The following KANK2 variants were observed in gnomAD, a reference collection of about 807,000 sequenced individuals.
KANK2 encodes KN motif and ankyrin repeat domains 2.
KANK2 carries 41 observed loss-of-function variants against 74.6 expected under a neutral mutation model. That is an observed-to-expected ratio of 0.55 (90% CI 0.43 to 0.71). The LOEUF is 0.71. Ranked by LOEUF, KANK2 falls within the 30% of genes least tolerant of loss-of-function variation. KANK2 has a pLI of 0.00. For synonymous variants in KANK2, 537 were observed against 519.0 expected (o/e 1.03, Z -0.47); for missense variants, 1,148 against 1,196.4 (o/e 0.96, Z 0.60).
At chr19:11,178,745 T>C (rs751703838) in intron 4 of KANK2, 25 bp from the exon 5 acceptor site, 2 of 1,496,114 alleles carry the variant, frequency 1.3e-6, no homozygotes, top group Middle Eastern at 1.8e-4. Flanking sequence ...AATGAGTGTC[T>C]GCTCTTGGTC....
At chr19:11,179,556 T>C (rs1391828921) in intron 4 of KANK2, among the ~76,000 whole-genome samples, 1 of 150,340 alleles carries the variant, frequency 6.7e-6, no homozygotes, top group African/African-American at 2.5e-5. Context: ...GAGAATTGCT[T>C]GAACCCGGGA....
chr19:11,176,364 C>T (rs2078336053), intron 7 of KANK2, among the ~76,000 whole-genome samples: 1 of 152,202 alleles, frequency 6.6e-6, no homozygotes. Context: ...CCCCTAAATC[C>T]TAACCCCGGC....
Position 11,167,360 on chromosome 19 carries a change from C to T in KANK2, c.2503-749G>A, listed in dbSNP as rs184500546. Among the ~76,000 whole-genome samples the T allele has an allele frequency of 3.0e-3, 450 of 151,040 alleles. 2 individuals are homozygous for T. The highest frequency in any genetic ancestry group is 4.1e-3 in the Non-Finnish European group (280 of 67,716). ...GATTACAGGCGTGAGCCACCGTGCC[C>T]GGCCTAGATTTTTTTTTGCTTAAAG... is the stretch of plus-strand genomic sequence containing the variant. On this transcript the variant is annotated intron_variant, in intron 12 of 12. Coordinates refer to ENST00000586659, the MANE Select transcript of KANK2 (RefSeq NM_001136191.3).
At chr19:11,183,669 TGAGA>T (rs1357133127) in intron 4 of KANK2, among the ~76,000 whole-genome samples, 2 of 150,342 alleles carry the variant, frequency 1.3e-5, no homozygotes, top group Admixed American at 1.3e-4. Context: ...TTTTTTTTTT[TGAGA>T]GAGTCTCGCA....
intron 2 of KANK2, chr19:11,195,253 G>A (rs1403237168): frequency 2.0e-5 from 3 of 152,146 alleles, no homozygotes; most frequent in Non-Finnish European, 2.9e-5. Context: ...GGATGCGTCC[G>A]GGCCCAGGGG....
intron 4 of KANK2, among the ~76,000 whole-genome samples, chr19:11,191,096 AGTGGT>A (rs1010133986): frequency 7.9e-5 from 12 of 151,832 alleles, no homozygotes; most frequent in African/African-American, 2.9e-4. Flanking sequence ...GCTGGAGGGC[AGTGGT>A]GTGATCTTGG....
rs765252532 is a variant in KANK2 at position 11,193,320 on chromosome 19, C to T, written c.760G>A (p.Asp254Asn). The T allele has an allele frequency of 5.6e-6, 9 of 1,612,554 alleles. No homozygotes were observed. Among genetic ancestry groups the T allele is most frequent in the Middle Eastern group, 1.6e-4 (1 of 6,084 alleles). The change falls in exon 4 of 13, where the codon GAT (aspartate) becomes AAT (asparagine). Residue 254 changes from aspartate to asparagine, a missense_variant. Transcript: ENST00000586659. The surrounding 1 kb of genome is among the most constrained non-coding windows in gnomAD (Gnocchi z 9.6). Reference protein sequence around the residue: ...GRSELCLDLPDPPEDPVALET... With the variant: ...GRSELCLDLPNPPEDPVALET... ...AGTGCCACTGGGTCCTCTGGGGGAT[C>T]GGGGAGGTCCAGGCAGAGCTCGCTG...
At chr19:11,175,129 TA>T in intron 8 of KANK2, among the ~76,000 whole-genome samples, 1 of 151,836 alleles carries the variant, frequency 6.6e-6, no homozygotes, top group Non-Finnish European at 1.5e-5. Context: ...AGCTAATTTT[TA>T]AAACAATTTG....
Position 11,195,658 on chromosome 19 carries a change from T to C in KANK2, c.-116A>G, listed in dbSNP as rs2078996304. The C allele has an allele frequency of 6.6e-6, 1 of 151,830 alleles. No individual in the cohort carries two copies. Among genetic ancestry groups the C allele is most frequent in the African/African-American group, 2.4e-5 (1 of 41,056 alleles). 9.4% of individuals were successfully genotyped at this position (151,830 alleles called of 1,614,324 possible). On this transcript the variant is annotated 5_prime_UTR_variant, in exon 2 of 13. Transcript: ENST00000586659. ...CTTGTTCTCCCGTCCTGTCTTGCTTTGTCTCTCTCCAAGTCTCTCTGTGTC... is the reference window on the plus strand; with the variant it reads ...CTTGTTCTCCCGTCCTGTCTTGCTTCGTCTCTCTCCAAGTCTCTCTGTGTC...
rs368337937 is a variant in KANK2, at chr19:11,192,989, A to C, written c.1091T>G (p.Leu364Arg). Residue 364 changes from leucine (L) to arginine (R), a missense_variant, in exon 4 of 13, where the codon CTG becomes CGG. By Grantham distance (102) the Leu-to-Arg change is moderately radical. Transcript: ENST00000586659. ...AQSLEPYGTG[L>R]RALAMPGRPE... ...CCTACCAGGCATTGCCAGGGCCCTCAGCCCTGTGCCGTAAGGCTCCAGGCT... is the reference window on the plus strand; with the variant it reads ...CCTACCAGGCATTGCCAGGGCCCTCCGCCCTGTGCCGTAAGGCTCCAGGCT... 2 of 1,613,874 alleles carry C rather than the reference A, an allele frequency of 1.2e-6. No homozygotes were observed. Among genetic ancestry groups the C allele is most frequent in the African/African-American group, 2.7e-5 (2 of 74,946 alleles).
At chr19:11,183,155 G>C (rs2078577875) in intron 4 of KANK2, among the ~76,000 whole-genome samples, 1 of 152,216 alleles carries the variant, frequency 6.6e-6, no homozygotes, top group Admixed American at 6.6e-5. Flanking sequence ...TGGTCTGTGA[G>C]AGAGTAAAAC....
Position 11,175,980 on chromosome 19 carries a change from T to A in KANK2, c.1770A>T (p.Leu590=). The A allele has an allele frequency of 6.2e-7, 1 of 1,613,258 alleles. No individual in the cohort carries two copies. The highest frequency in any genetic ancestry group is 1.3e-5 in the African/African-American group (1 of 75,040). Residue 590 remains leucine, a synonymous_variant, in exon 8 of 13, where the codon CTA becomes CTT. Transcript: ENST00000586659. Reference sequence around the variant, plus strand: ...AGCAGGCTGAGATGAGGTCAGGGCTTAGCTCCATCCTGCCAGGAACAGACA... The same window carrying A: ...AGCAGGCTGAGATGAGGTCAGGGCTAAGCTCCATCCTGCCAGGAACAGACA... ...SNTEEEIRME[L]SPDLISACLA...
At chr19:11,188,626 C>T (rs1249514264) in intron 4 of KANK2, among the ~76,000 whole-genome samples, 1 of 151,690 alleles carries the variant, frequency 6.6e-6, no homozygotes, top group Non-Finnish European at 1.5e-5. Context: ...CCCTGCTGTG[C>T]TCCTCCCTGG....
At chr19:11,180,180 C>A (rs995926183) in intron 4 of KANK2, among the ~76,000 whole-genome samples, 1 of 152,182 alleles carries the variant, frequency 6.6e-6, no homozygotes, top group African/African-American at 2.4e-5. Flanking sequence ...AGCATTTCCT[C>A]GGGGGTTCCC....
At chr19:11,171,719 C>G (rs1176444531) in intron 10 of KANK2, among the ~76,000 whole-genome samples, 1 of 150,680 alleles carries the variant, frequency 6.6e-6, no homozygotes, top group African/African-American at 2.4e-5. Context: ...CACTCTGTCA[C>G]CCAGGCTGGA....
chr19:11,190,387 C>T (rs2078807467), intron 4 of KANK2, among the ~76,000 whole-genome samples: 1 of 152,078 alleles, frequency 6.6e-6, no homozygotes, highest in Non-Finnish European at 1.5e-5. Context: ...CTCGGCCTCC[C>T]AAAGTGCTAG....
At chr19:11,186,529 C>G (rs565913108) in intron 4 of KANK2, among the ~76,000 whole-genome samples, 119 of 152,084 alleles carry the variant, frequency 7.8e-4, no homozygotes, top group African/African-American at 2.5e-3. Context: ...GAAACCCCGT[C>G]TCTGCTAAAA....
chr19:11,180,267 G>GT (rs763260101), intron 4 of KANK2, among the ~76,000 whole-genome samples: 2 of 152,098 alleles, frequency 1.3e-5, no homozygotes, highest in African/African-American at 2.4e-5. Flanking sequence ...GGTTGTTGGG[G>GT]TTTTTTTCTT....
rs988932856 is a variant in KANK2 at position 11,166,327 on chromosome 19, C to T, written c.*231G>A. 4.3e-6 allele frequency: 2 copies of T among 467,790 alleles called. No homozygotes were observed. The highest frequency in any genetic ancestry group is 4.1e-5 in the South Asian group (1 of 24,582). 29.0% of individuals were successfully genotyped at this position (467,790 alleles called of 1,614,324 possible). Reference sequence around the variant, plus strand: ...GCCAATGTATACAAGAATTTTGCTTCGGTCTGCGCTGTGGCCACTTTGAAC... The same window carrying T: ...GCCAATGTATACAAGAATTTTGCTTTGGTCTGCGCTGTGGCCACTTTGAAC... On this transcript the variant is annotated 3_prime_UTR_variant, in exon 13 of 13. Transcript: ENST00000586659.
Sources: allele counts gnomAD v4.1 joint callset (sites outside exome capture counted in the v4.1 genomes callset), GRCh38; gene constraint gnomAD v4.1.1; non-coding constraint Gnocchi (gnomAD v3.1); transcripts MANE v1.5; gene names NCBI Gene and HGNC (gene_info 2026-07-23, HGNC 2026-07-21).